Variants in REV3L observed in about 807,000 individuals in gnomAD.
The protein encoded by REV3L is DNA polymerase zeta catalytic subunit.
Under a neutral mutation model 299.4 loss-of-function variants are expected in REV3L, and 69 were observed. That is an observed-to-expected ratio of 0.23 (90% confidence interval 0.19 to 0.28). REV3L has a LOEUF of 0.28. Ranked by LOEUF, REV3L falls within the 10% of genes least tolerant of loss-of-function variation. The pLI is 1.00. For missense variants in REV3L, 3,128 were observed against 3,693.8 expected, an observed-to-expected ratio of 0.85 and a Z score of 3.97; for synonymous variants, 1,238 against 1,271.4, an observed-to-expected ratio of 0.97 and a Z score of 0.56.
chr6:111,303,701 CTTTTTTTTTTTTTT>C (rs58366929), intron 31 of REV3L, among the ~76,000 whole-genome samples: 97 of 12,636 alleles, frequency 7.7e-3, no homozygotes, highest in African/African-American at 0.015. Flanking sequence ...CAGACTATGA[CTTTTTTTTTTTTTT>C]TTTTTTTTTT....
At chr6:111,338,276 C>CT (rs1332849670) in intron 21 of REV3L, among the ~76,000 whole-genome samples, 1 of 107,218 alleles carries the variant, frequency 9.3e-6, no homozygotes, top group Non-Finnish European at 1.8e-5. Context: ...TTAAAACATA[C>CT]TGGTTTATTT....
intron 1 of REV3L, among the ~76,000 whole-genome samples, chr6:111,442,891 C>G (rs767453543): frequency 2.0e-5 from 3 of 152,092 alleles, no homozygotes; most frequent in South Asian, 4.1e-4. Context: ...GTCTCTCTCT[C>G]TGTGTGTATG....
At position 111,422,605 on chromosome 6, in the gene REV3L, T is replaced by C. The variant is rs1383756530; in HGVS notation, c.140-6133A>G. On this transcript the variant is annotated intron_variant, in intron 1 of 31. Coordinates refer to ENST00000368802, the MANE Select transcript of REV3L (RefSeq NM_001372078.1). ...ATATATATATATATACACATATATA[T>C]ATATATACACATATATATATATATA... 4.0e-4 allele frequency among the ~76,000 whole-genome samples: 8 copies of C among 19,810 alleles called. 1 individual carries two copies. Among genetic ancestry groups the C allele is most frequent in the East Asian group, 8.5e-4 (1 of 1,180 alleles). 13.0% of individuals were successfully genotyped at this position (19,810 alleles called of 152,430 possible).
chr6:111,397,343 C>T, intron 4 of REV3L, among the ~76,000 whole-genome samples: 1 of 151,824 alleles, frequency 6.6e-6, no homozygotes, highest in African/African-American at 2.4e-5. Context: ...TTTTAAATTT[C>T]CTTCTTAATT....
chr6:111,401,420 C>T (rs1783072159), intron 4 of REV3L, among the ~76,000 whole-genome samples: 1 of 152,086 alleles, frequency 6.6e-6, no homozygotes, highest in African/African-American at 2.4e-5. Context: ...TTCTAAGGAC[C>T]AAGGGCAAGT....
chr6:111,421,600 C>A (rs940890698), intron 1 of REV3L, among the ~76,000 whole-genome samples: 3 of 151,594 alleles, frequency 2.0e-5, no homozygotes, highest in Non-Finnish European at 4.4e-5. Context: ...CCATCATCAT[C>A]TGGAATAGAA....
chr6:111,436,432 G>C (rs1787561358), intron 1 of REV3L, among the ~76,000 whole-genome samples: 1 of 152,116 alleles, frequency 6.6e-6, no homozygotes, highest in Non-Finnish European at 1.5e-5. Flanking sequence ...ATACACAATG[G>C]AATGTTATTC....
chr6:111,335,429 A>G (rs748912288), intron 22 of REV3L, 40 bp downstream of exon 22: 1 of 1,592,444 alleles, frequency 6.3e-7, no homozygotes, highest in Non-Finnish European at 8.5e-7. Context: ...TGTATCACTC[A>G]TACAGAACTT....
chr6:111,318,877 G>A (rs1773824848), intron 26 of REV3L, among the ~76,000 whole-genome samples: 1 of 152,056 alleles, frequency 6.6e-6, no homozygotes, highest in Non-Finnish European at 1.5e-5. Context: ...TTTAAAATAA[G>A]TGCACATACA....
rs1777315431 is a variant in REV3L at position 111,349,017 on chromosome 6, A to AC, written c.7419+200_7419+201insG. On this transcript the variant is annotated intron_variant, in intron 20 of 31. Coordinates refer to ENST00000368802, the MANE Select transcript of REV3L (RefSeq NM_001372078.1). ...GCTACCTTAGACACAAGAAAAAAAA[A>AC]AAAACTCACTTAAAACATTAAAGTC... The AC allele has an allele frequency of 1.3e-5, 5 of 392,780 alleles. No homozygotes were observed. The South Asian group carries it at 2.3e-4, about 18-fold the overall frequency. 24.3% of individuals were successfully genotyped at this position (392,780 alleles called of 1,614,324 possible).
At chr6:111,416,181 G>T in intron 2 of REV3L, 102 bp downstream of exon 2, 1 of 770,468 alleles carries the variant, frequency 1.3e-6, no homozygotes, top group Non-Finnish European at 1.9e-6. Flanking sequence ...AGTTCCATTA[G>T]ACTAGAAGTA....
chr6:111,379,087 C>T (rs1029500871), intron 11 of REV3L, among the ~76,000 whole-genome samples: 1 of 152,162 alleles, frequency 6.6e-6, no homozygotes, highest in Non-Finnish European at 1.5e-5. Context: ...GCATGGTTTT[C>T]ACCAAATTGG....
intron 1 of REV3L, among the ~76,000 whole-genome samples, chr6:111,418,920 A>G (rs928141147): frequency 2.6e-5 from 4 of 152,222 alleles, no homozygotes; most frequent in African/African-American, 9.7e-5. Context: ...AAAACAGAAT[A>G]ACTGCTTAAG....
In REV3L at chr6:111,358,974, C is replaced by A. The variant is rs1230617155; in HGVS notation, c.6920G>T (p.Arg2307Leu). 1 of 1,613,750 alleles carries A rather than the reference C, an allele frequency of 6.2e-7. No individual in the cohort carries two copies. The highest frequency in any genetic ancestry group is 8.5e-7 in the Non-Finnish European group (1 of 1,179,920). ...ATCCGGTTCTAAGTCTCGTCTAGTT[C>A]GAGCATGCAACTCCACACTGATTAG... ...LTLISVELHARTRRDLEPDPE... is the reference protein window; with the variant it reads ...LTLISVELHALTRRDLEPDPE... Residue 2307 changes from arginine (R) to leucine (L), a missense_variant, in exon 17 of 32, where the codon CGA becomes CTA. Transcript: ENST00000368802.
At chr6:111,382,242 G>A (rs17510782) in intron 9 of REV3L, among the ~76,000 whole-genome samples, 55 of 152,190 alleles carry the variant, frequency 3.6e-4, no homozygotes, top group African/African-American at 1.3e-3. Flanking sequence ...GCCTTCATTA[G>A]AATAAAAAAT....
At chr6:111,434,627 A>AG (rs1787338699) in intron 1 of REV3L, among the ~76,000 whole-genome samples, 1 of 152,128 alleles carries the variant, frequency 6.6e-6, no homozygotes. Flanking sequence ...TCAAAAAAAA[A>AG]AAAAAAAATC....
Position 111,374,675 on chromosome 6 carries a change from T to C in REV3L, c.3680A>G (p.Lys1227Arg). ...KGTSRKHTTL[K>R]DEKIKSQSGA... ...AGACTGAGATTTTATTTTTTCATCC[T>C]TAAGTGTTGTATGCTTTCTCGATGT... Residue 1227 changes from lysine (K) to arginine (R), a missense_variant, in exon 13 of 32, where the codon AAG becomes AGG. Lys to Arg is a conservative substitution (Grantham distance 26). Coordinates refer to ENST00000368802, the MANE Select transcript of REV3L (RefSeq NM_001372078.1). 1 of 1,613,586 alleles carries C rather than the reference T, an allele frequency of 6.2e-7. No homozygotes were observed. Among genetic ancestry groups the C allele is most frequent in the Non-Finnish European group, 8.5e-7 (1 of 1,179,908 alleles).
At chr6:111,423,756 T>C (rs1190105041) in intron 1 of REV3L, among the ~76,000 whole-genome samples, 1 of 151,758 alleles carries the variant, frequency 6.6e-6, no homozygotes, top group African/African-American at 2.4e-5. Flanking sequence ...ATTTAGGGAG[T>C]AGAATCAAGA....
At chr6:111,462,315 G>A (rs1253319385) in intron 1 of REV3L, among the ~76,000 whole-genome samples, 1 of 152,026 alleles carries the variant, frequency 6.6e-6, no homozygotes, top group Non-Finnish European at 1.5e-5. Flanking sequence ...CTAATCAAAA[G>A]GAAGCTGAAG....
Sources: gnomAD v4.1 joint callset for allele counts (sites outside exome capture counted in the v4.1 genomes callset) on GRCh38, gnomAD v4.1.1 for gene constraint, MANE v1.5 for transcripts, NCBI Gene and HGNC (gene_info 2026-07-23, HGNC 2026-07-21) for gene names.